Variants in STXBP5 observed in about 807,000 individuals in gnomAD.
STXBP5 encodes the protein syntaxin binding protein 5.
A neutral mutation model predicts 152.4 loss-of-function variants in STXBP5; 50 were observed. The observed-to-expected ratio is 0.33, with a 90% CI of 0.26 to 0.42. The LOEUF (loss-of-function observed/expected upper bound fraction) is 0.42, where lower values mean the gene tolerates loss of function less well. STXBP5 is among the 10% of genes least tolerant of loss of function. STXBP5 has a pLI of 1.00. For synonymous variants in STXBP5, 492 were observed against 494.7 expected (o/e 0.99, Z 0.07); for missense variants, 1,167 against 1,388.6 (o/e 0.84, Z 2.54).
Position 147,316,367 on chromosome 6 carries a change from AG to A in STXBP5, c.1763del (p.Ser588IlefsTer13). 1 of 1,587,342 alleles carries A rather than the reference AG, an allele frequency of 6.3e-7. No homozygotes were observed. The highest frequency in any genetic ancestry group is 8.5e-7 in the Non-Finnish European group (1 of 1,170,182). On this transcript the variant is annotated frameshift_variant, in exon 16 of 28. Transcript: ENST00000321680. LOFTEE classifies it high-confidence loss of function. ...TCAGTCTCATCCATCTACCAGTAGC[AG>A]TTCATCTGATGGGCTTCGTGATAAT... is the stretch of plus-strand genomic sequence containing the variant. Reference protein sequence around the residue: ...PPQSHPSTSSSSSDGLRDNVP... With the variant: ...PPQSHPSTSSXSSDGLRDNVP...
At chr6:147,346,505 G>T (rs1204676307) in intron 21 of STXBP5, among the ~76,000 whole-genome samples, 3 of 152,082 alleles carry the variant, frequency 2.0e-5, no homozygotes, top group Non-Finnish European at 4.4e-5. Flanking sequence ...TTGGGAGGCC[G>T]AGGTGGGTGG....
chr6:147,344,363 TAAAC>T (rs1446606610), intron 21 of STXBP5, among the ~76,000 whole-genome samples: 3 of 152,204 alleles, frequency 2.0e-5, no homozygotes, highest in African/African-American at 7.2e-5. Context: ...ATTACTGAAA[TAAAC>T]CTTTGTCAAC....
At chr6:147,265,312 TTTG>T (rs1779838925) in intron 6 of STXBP5, among the ~76,000 whole-genome samples, 2 of 152,142 alleles carry the variant, frequency 1.3e-5, no homozygotes, top group Non-Finnish European at 2.9e-5. Context: ...ATCTTCTAAA[TTTG>T]TCCTATTAAA....
intron 10 of STXBP5, 83 bp downstream of exon 10, chr6:147,310,321 A>G: frequency 9.1e-7 from 1 of 1,097,980 alleles, no homozygotes. Flanking sequence ...TTTAGATAAA[A>G]CTACTCATCC....
chr6:147,258,513 A>C (rs749755606), intron 4 of STXBP5, among the ~76,000 whole-genome samples: 13 of 150,248 alleles, frequency 8.7e-5, no homozygotes, highest in Non-Finnish European at 1.8e-4. Context: ...GGCTCACTGC[A>C]AGCTCCGCCT....
chr6:147,349,172 C>T (rs918599780), intron 21 of STXBP5, among the ~76,000 whole-genome samples: 16 of 151,660 alleles, frequency 1.1e-4, no homozygotes, highest in Non-Finnish European at 2.2e-4. Flanking sequence ...AAAAAAAATA[C>T]AAGCTTTAAA....
At position 147,299,678 on chromosome 6, in the gene STXBP5, A is replaced by G. The variant is rs140564961; in HGVS notation, c.917+8506A>G. ...TACCTCTCTGATGAACATAGATGCA[A>G]AATTTTTTAACAAAGTACTAGCAAA... On this transcript the variant is annotated intron_variant, in intron 9 of 27. Transcript: ENST00000321680. Among the ~76,000 whole-genome samples, 490 of 152,210 alleles carry G rather than the reference A, an allele frequency of 3.2e-3. 3 individuals carry two copies. The highest frequency in any genetic ancestry group is 0.011 in the African/African-American group (469 of 41,556).
At chr6:147,310,285 T>TAAAA (rs11415538) in intron 10 of STXBP5, 47 bp downstream of exon 10, 10 of 1,124,654 alleles carry the variant, frequency 8.9e-6, no homozygotes, top group African/African-American at 1.7e-5. Flanking sequence ...GAGCTGATAT[T>TAAAA]AAAAAAAAAA....
At chr6:147,304,652 C>A (rs1338418843) in intron 9 of STXBP5, among the ~76,000 whole-genome samples, 1 of 152,132 alleles carries the variant, frequency 6.6e-6, no homozygotes. Context: ...ACACTCAACA[C>A]CAACCCATGA....
rs1778961417 is a variant in STXBP5 at position 147,249,071 on chromosome 6, G to A, written c.431+9801G>A. Among the ~76,000 whole-genome samples, 3 of 152,204 alleles carry A rather than the reference G, an allele frequency of 2.0e-5. No individual in the cohort carries two copies. In the South Asian group the frequency reaches 6.2e-4, roughly 31 times the overall value. On this transcript the variant is annotated intron_variant, in intron 4 of 27. Transcript: ENST00000321680. ...GCTAGCAACCTGAATGAGCTTGGGA[G>A]CAGATTCTTTCCCAGCACTTCCAGA...
intron 23 of STXBP5, among the ~76,000 whole-genome samples, chr6:147,362,924 T>C (rs1011624289): frequency 6.6e-6 from 1 of 152,218 alleles, no homozygotes; most frequent in Non-Finnish European, 1.5e-5. Context: ...GCGTTCCCAG[T>C]GCTCTGCAGC....
chr6:147,319,754 C>T (rs868284311), intron 16 of STXBP5, among the ~76,000 whole-genome samples: 1 of 150,904 alleles, frequency 6.6e-6, no homozygotes, highest in African/African-American at 2.4e-5. Context: ...CAGCCAGAGT[C>T]CTGTCACCTG....
intron 8 of STXBP5, among the ~76,000 whole-genome samples, chr6:147,289,736 G>C (rs1363076012): frequency 7.0e-6 from 1 of 142,688 alleles, no homozygotes; most frequent in Non-Finnish European, 1.5e-5. Context: ...TCAGCAAAAA[G>C]AAAAAAAAAA....
At chr6:147,215,711 C>T (rs1409649284) in intron 2 of STXBP5, among the ~76,000 whole-genome samples, 4 of 152,134 alleles carry the variant, frequency 2.6e-5, no homozygotes, top group African/African-American at 9.6e-5. Context: ...TTTAATAATA[C>T]ATAGTAACTC....
Position 147,338,731 on chromosome 6 carries a change from A to AATATATAGTTTTAAACTGT in STXBP5, c.2147-447_2147-429dup, listed in dbSNP as rs1554217089. ...GATTTCTATGATATGTAGTAGAATG[A>AATATATAGTTTTAAACTGT]ATATATAGTTTTAAACTGTCAGTCT... On this transcript the variant is annotated intron_variant, in intron 19 of 27. Transcript: ENST00000321680. 9.7e-3 allele frequency among the ~76,000 whole-genome samples: 1,463 copies of AATATATAGTTTTAAACTGT among 150,418 alleles called. 21 individuals are homozygous for AATATATAGTTTTAAACTGT. Among genetic ancestry groups the AATATATAGTTTTAAACTGT allele is most frequent in the African/African-American group, 0.034 (1,394 of 41,124 alleles).
chr6:147,347,910 G>A (rs1047871262), intron 21 of STXBP5, among the ~76,000 whole-genome samples: 1 of 152,162 alleles, frequency 6.6e-6, no homozygotes, highest in African/African-American at 2.4e-5. Flanking sequence ...GATATCAGAT[G>A]GATGTTCAAT....
In STXBP5 at chr6:147,314,244, A is replaced by G. The variant is rs1436244246; in HGVS notation, c.1294-20A>G. ...GTAGTATGCTTGCAAGTTGCTTTAT[A>G]CAGTCATCTTTTTTTATAGGAATGG... On this transcript the variant is annotated intron_variant, in intron 12 of 27. Transcript: ENST00000321680. The G allele has an allele frequency of 1.3e-6, 2 of 1,596,542 alleles. No individual in the cohort carries two copies. Among genetic ancestry groups the G allele is most frequent in the Non-Finnish European group, 1.7e-6 (2 of 1,164,030 alleles).
rs946585186 is a variant in STXBP5 at position 147,232,352 on chromosome 6, A to T, written c.249-2898A>T. Among the ~76,000 whole-genome samples the T allele has an allele frequency of 1.1e-4, 17 of 151,976 alleles. No homozygotes were observed. In the East Asian group the frequency reaches 3.1e-3, roughly 28 times the overall value. ...AGTTTGCAGTGGGGCCAGAATTCTG[A>T]TAAACTACCAGGATAGGGAACTACT... On this transcript the variant is annotated intron_variant, in intron 2 of 27. Transcript: ENST00000321680.
chr6:147,334,060 T>C (rs1197559737), intron 18 of STXBP5, 97 bp from the exon 19 acceptor site: 28 of 1,203,298 alleles, frequency 2.3e-5, no homozygotes, highest in Non-Finnish European at 3.3e-5. Context: ...TTGGGTTCTT[T>C]TAAATGGACA....
Sources: allele counts gnomAD v4.1 joint callset (sites outside exome capture counted in the v4.1 genomes callset), GRCh38; gene constraint gnomAD v4.1.1; transcripts MANE v1.5; gene names NCBI Gene and HGNC (gene_info 2026-07-23, HGNC 2026-07-21).